The following NPC1 variants were observed in gnomAD, a reference collection of about 807,000 sequenced individuals.
The protein encoded by NPC1 is NPC intracellular cholesterol transporter 1.
In NPC1, 85 loss-of-function variants were observed where a neutral mutation model predicts 140.4. The observed-to-expected ratio is 0.61, with a 90% CI of 0.51 to 0.72. The LOEUF (loss-of-function observed/expected upper bound fraction) is 0.72, where lower values mean the gene tolerates loss of function less well. NPC1 is among the 30% of genes least tolerant of loss of function. The pLI is 0.00. For synonymous variants in NPC1, 656 were observed against 624.8 expected (o/e 1.05, Z -0.74); for missense variants, 1,504 against 1,623.8 (o/e 0.93, Z 1.27).
At position 23,535,652 on chromosome 18, in the gene NPC1, A is replaced by G. The variant is rs780795762; in HGVS notation, c.3294T>C (p.Thr1098=). ...YEQYLTIIDD[T]IFNLGVSLGA... is the part of the protein sequence containing the mutation. The stretch of plus-strand genomic sequence containing the variant: ...CCAGGGACACACCGAGGTTGAAGAT[A>G]GTGTCGTCAATGATGGTCAGGTACT... Residue 1098 remains threonine, a synonymous_variant, in exon 22 of 25, where the codon ACT becomes ACC. Transcript: ENST00000269228. The G allele has an allele frequency of 8.1e-6, 13 of 1,614,036 alleles. No homozygotes were observed. In the Admixed American group the frequency reaches 2.0e-4, roughly 25 times the overall value.
rs577694739 is a variant in NPC1 at position 23,578,004 on chromosome 18, G to A, written c.58-4430C>T. Among the ~76,000 whole-genome samples the A allele has an allele frequency of 1.6e-4, 24 of 152,346 alleles. No individual in the cohort carries two copies. The East Asian group carries it at 2.5e-3, about 16-fold the overall frequency. ...CCGCACACAGCCCCGGTTCCTGCTC[G>A]TGTCTCTCCCTCCACACCTCCCTGC... On this transcript the variant is annotated intron_variant, in intron 1 of 24. Coordinates refer to ENST00000269228, the MANE Select transcript of NPC1 (RefSeq NM_000271.5).
Position 23,531,672 on chromosome 18 carries a change from G to A in NPC1, c.*530C>T. 1 of 1,613,386 alleles carries A rather than the reference G, an allele frequency of 6.2e-7. No homozygotes were observed. Among genetic ancestry groups the A allele is most frequent in the Non-Finnish European group, 8.5e-7 (1 of 1,179,872 alleles). On this transcript the variant is annotated 3_prime_UTR_variant, in exon 25 of 25. Coordinates refer to ENST00000269228, the MANE Select transcript of NPC1 (RefSeq NM_000271.5). ...TGCTTTTTTCAAACAGATTTTTGGA[G>A]ACCAAGCTCTAATGAGGCCTACAAC...
chr18:23,577,680 G>T (rs1406939880), intron 1 of NPC1, among the ~76,000 whole-genome samples: 1 of 152,212 alleles, frequency 6.6e-6, no homozygotes, highest in Non-Finnish European at 1.5e-5. Context: ...TGGAGCAGGG[G>T]GTGGCGCTCG....
intron 1 of NPC1, among the ~76,000 whole-genome samples, chr18:23,579,883 TA>T (rs56198549): frequency 7.3e-4 from 105 of 143,940 alleles, no homozygotes; most frequent in Middle Eastern, 3.6e-3. Context: ...AGACTCCATC[TA>T]AAAAAAAAAA....
intron 4 of NPC1, among the ~76,000 whole-genome samples, chr18:23,564,061 T>C (rs974404495): frequency 7.1e-6 from 1 of 140,444 alleles, no homozygotes; most frequent in Non-Finnish European, 1.5e-5. Context: ...CTCAGCTCAC[T>C]GCAACCTCCA....
At chr18:23,525,613 C>T (rs1333385714), downstream of NPC1, among the ~76,000 whole-genome samples, 4 of 151,982 alleles carry the variant, frequency 2.6e-5, no homozygotes, top group East Asian at 1.9e-4. Flanking sequence ...TTAGTAGATA[C>T]GGGGTTTCAC....
At chr18:23,517,297 G>A (rs1249960433) in intron 3 of NPC1, among the ~76,000 whole-genome samples, 1 of 151,302 alleles carries the variant, frequency 6.6e-6, no homozygotes, top group Non-Finnish European at 1.5e-5. Context: ...CTACAGGTGC[G>A]TGCCACCATG....
In NPC1 at chr18:23,533,197, T is replaced by C. The variant is rs1016164774; in HGVS notation, c.3754+158A>G. Reference sequence around the variant, plus strand: ...CACCATCATGAATCCCCTGGATGGGTTTTTTCTTTTAGAAGAAATTTTTTT... The same window carrying C: ...CACCATCATGAATCCCCTGGATGGGCTTTTTCTTTTAGAAGAAATTTTTTT... On this transcript the variant is annotated intron_variant, in intron 24 of 24. Coordinates refer to ENST00000269228, the MANE Select transcript of NPC1 (RefSeq NM_000271.5). 3.1e-5 allele frequency: 27 copies of C among 863,262 alleles called. No individual in the cohort carries two copies. In the Admixed American group the frequency reaches 4.4e-4, roughly 14 times the overall value. 53.5% of individuals were successfully genotyped at this position (863,262 alleles called of 1,614,324 possible). A position where few individuals can be genotyped will look rare whatever the true frequency, so the allele number is the denominator to read the frequency against.
intron 1 of NPC1, among the ~76,000 whole-genome samples, chr18:23,576,208 G>C (rs2059275801): frequency 6.6e-6 from 1 of 151,792 alleles, no homozygotes; most frequent in African/African-American, 2.4e-5. Context: ...TGGGCAACAA[G>C]AGCTAAACTG....
intron 4 of NPC1, among the ~76,000 whole-genome samples, chr18:23,565,553 A>C (rs2059112391): frequency 6.6e-6 from 1 of 152,066 alleles, no homozygotes; most frequent in Non-Finnish European, 1.5e-5. Flanking sequence ...ATGGGGTTTC[A>C]CCATGTTGGC....
downstream of NPC1, chr18:23,519,133 G>A (rs764730840): frequency 3.7e-6 from 6 of 1,614,210 alleles, no homozygotes; most frequent in East Asian, 2.2e-5. Flanking sequence ...TGCCCTGAAC[G>A]TGGTGGACAA....
intron 4 of NPC1, among the ~76,000 whole-genome samples, chr18:23,566,404 T>C (rs573775261): frequency 4.6e-5 from 7 of 152,144 alleles, no homozygotes; most frequent in African/African-American, 1.7e-4. Context: ...TACTGCACTA[T>C]TCAGAACAAC....
rs540972621 is a variant in NPC1 at position 23,554,592 on chromosome 18, C to T, written c.1553+166G>A. Reference sequence around the variant, plus strand: ...CTGCACTCCAGCCTGGGCGACAGAGCGAGACCCTGTCTCAAAAAAAAAAAA... The same window carrying T: ...CTGCACTCCAGCCTGGGCGACAGAGTGAGACCCTGTCTCAAAAAAAAAAAA... On this transcript the variant is annotated intron_variant, in intron 9 of 24. Transcript: ENST00000269228. Among the ~76,000 whole-genome samples, 185 of 138,048 alleles carry T rather than the reference C, an allele frequency of 1.3e-3. 1 individual carries two copies. Among genetic ancestry groups the T allele is most frequent in the Non-Finnish European group, 6.4e-4 (42 of 65,436 alleles). 90.6% of individuals were successfully genotyped at this position (138,048 alleles called of 152,430 possible). A position where few individuals can be genotyped will look rare whatever the true frequency, so the allele number is the denominator to read the frequency against.
chr18:23,551,186 C>T (rs2058867035), intron 10 of NPC1, among the ~76,000 whole-genome samples: 2 of 152,204 alleles, frequency 1.3e-5, no homozygotes, highest in Admixed American at 1.3e-4. Context: ...ACTCAACTGA[C>T]TGGCTTAGAA....
chr18:23,546,771 T>A (rs940739013), intron 11 of NPC1, among the ~76,000 whole-genome samples: 1 of 152,192 alleles, frequency 6.6e-6, no homozygotes, highest in Non-Finnish European at 1.5e-5. Flanking sequence ...TCTATGCACA[T>A]AAAAGTCCAG....
exon 2 of NPC1, chr18:23,522,883 G>A (rs1384200142): frequency 6.6e-6 from 1 of 152,298 alleles, no homozygotes; most frequent in Non-Finnish European, 1.5e-5. Context: ...CCACTGGGTG[G>A]GCGTGCTCAG....
rs763062263 is a variant in NPC1, at chr18:23,539,490, T to C, written c.2796-20A>G. The C allele has an allele frequency of 6.6e-7, 1 of 1,526,212 alleles. No individual in the cohort carries two copies. Among genetic ancestry groups the C allele is most frequent in the Non-Finnish European group, 9.1e-7 (1 of 1,101,488 alleles). The allele number at this position is 1,526,212 out of a possible 1,614,324, so 94.5% of individuals were successfully genotyped here. On this transcript the variant is annotated intron_variant, in intron 18 of 24. Coordinates refer to ENST00000269228, the MANE Select transcript of NPC1 (RefSeq NM_000271.5). ...CGGGTACTAGAGAGGACAGACAGGG[T>C]TACTGACCTGCTCCACAGGGAGGAA...
chr18:23,531,755 C>G lies in NPC1; in HGVS notation c.*447G>C, dbSNP rs745521777. On this transcript the variant is annotated 3_prime_UTR_variant, in exon 25 of 25. Transcript: ENST00000269228. The stretch of plus-strand genomic sequence containing the variant: ...AAATGTGTACAAAGTTAATTTATTG[C>G]ATTAATAAAGCTCTTTAAACTATAA... The G allele has an allele frequency of 6.3e-7, 1 of 1,584,668 alleles. No homozygotes were observed.
In NPC1 at chr18:23,548,070, AG is replaced by A; in HGVS notation, c.1692del (p.Phe565SerfsTer27). 1 of 1,612,630 alleles carries A rather than the reference AG, an allele frequency of 6.2e-7. No individual in the cohort carries two copies. On this transcript the variant is annotated frameshift_variant, in exon 11 of 25. Coordinates refer to ENST00000269228, the MANE Select transcript of NPC1 (RefSeq NM_000271.5). LOFTEE classifies it high-confidence loss of function. ...NYNNATALVITFPVNNYYNDT... is the reference protein window; with the variant it reads ...NYNNATALVIXFPVNNYYNDT... ...TCATTATAGTAATTATTGACAGGGA[AG>A]GTAATCACAAGGGCAGTGGCGTTAT...
Sources: allele counts gnomAD v4.1 joint callset (sites outside exome capture counted in the v4.1 genomes callset), GRCh38; gene constraint gnomAD v4.1.1; transcripts MANE v1.5; gene names NCBI Gene and HGNC (gene_info 2026-07-23, HGNC 2026-07-21).